The following HIVEP3 variants were observed in gnomAD, a reference collection of about 807,000 sequenced individuals.
The protein encoded by HIVEP3 is transcription factor HIVEP3.
Under a neutral mutation model 152.8 loss-of-function variants are expected in HIVEP3, and 49 were observed. That is an observed-to-expected ratio of 0.32 (90% CI 0.26 to 0.41). The LOEUF (loss-of-function observed/expected upper bound fraction) is 0.41, where lower values mean the gene tolerates loss of function less well. HIVEP3 is among the 10% of genes least tolerant of loss of function. The pLI is 1.00. For missense variants in HIVEP3, 2,790 were observed against 3,103.3 expected (o/e 0.90, Z 2.40); for synonymous variants, 1,269 against 1,289.0 (o/e 0.98, Z 0.33).
intron 1 of HIVEP3, among the ~76,000 whole-genome samples, chr1:41,966,513 A>G (rs934734856): frequency 1.7e-4 from 17 of 102,168 alleles, no homozygotes; most frequent in Non-Finnish European, 2.6e-4. Flanking sequence ...TCGCTCTTTC[A>G]CCCAGGCCAG....
At chr1:41,666,396 C>T (rs941111027) in intron 2 of HIVEP3, among the ~76,000 whole-genome samples, 6 of 152,212 alleles carry the variant, frequency 3.9e-5, no homozygotes, top group Non-Finnish European at 8.8e-5. Flanking sequence ...TGGGTTCAGG[C>T]TCCAGCCCCA....
At chr1:41,893,818 CATTATATAACAT>C (rs1293288918) in intron 1 of HIVEP3, among the ~76,000 whole-genome samples, 1 of 144,988 alleles carries the variant, frequency 6.9e-6, no homozygotes, top group Non-Finnish European at 1.5e-5. Context: ...ATATATAATA[CATTATATAACAT>C]ATAATATATA....
intron 1 of HIVEP3, among the ~76,000 whole-genome samples, chr1:41,878,843 T>G (rs375536792): frequency 5.2e-5 from 7 of 135,868 alleles, no homozygotes; most frequent in African/African-American, 1.6e-4. Context: ...CCTCCCCATC[T>G]CCTGCCCTCT....
chr1:41,712,358 A>G, intron 1 of HIVEP3, among the ~76,000 whole-genome samples: 1 of 152,212 alleles, frequency 6.6e-6, no homozygotes. Flanking sequence ...CAGGTGCTGG[A>G]GACACAGCCC....
intron 1 of HIVEP3, among the ~76,000 whole-genome samples, chr1:42,031,826 A>G (rs973389643): frequency 2.6e-5 from 4 of 152,238 alleles, no homozygotes; most frequent in South Asian, 2.1e-4. Flanking sequence ...AGAAGTATAT[A>G]AAGTAACAAG....
At chr1:41,933,336 G>C (rs1645004431) in intron 1 of HIVEP3, among the ~76,000 whole-genome samples, 1 of 151,962 alleles carries the variant, frequency 6.6e-6, no homozygotes, top group Non-Finnish European at 1.5e-5. Flanking sequence ...CATGTATTTT[G>C]AAACTCTGTT....
At chr1:41,663,092 T>G (rs1317257473) in intron 2 of HIVEP3, among the ~76,000 whole-genome samples, 1 of 152,220 alleles carries the variant, frequency 6.6e-6, no homozygotes, top group Non-Finnish European at 1.5e-5. Flanking sequence ...TGGTCCTTGC[T>G]CTGGCCAGGA....
intron 1 of HIVEP3, among the ~76,000 whole-genome samples, chr1:41,767,022 C>T (rs1240966532): frequency 6.6e-6 from 1 of 152,158 alleles, no homozygotes; most frequent in East Asian, 1.9e-4. Flanking sequence ...GCTGAGATCC[C>T]AGCCACAGTT....
intron 2 of HIVEP3, among the ~76,000 whole-genome samples, chr1:41,656,716 C>A (rs1645634384): frequency 1.3e-5 from 2 of 152,168 alleles, no homozygotes; most frequent in Non-Finnish European, 2.9e-5. Flanking sequence ...TCACAGTGCC[C>A]TGAAATGAAG....
chr1:41,910,428 A>G (rs1644777500), intron 1 of HIVEP3, among the ~76,000 whole-genome samples: 1 of 152,012 alleles, frequency 6.6e-6, no homozygotes, highest in East Asian at 1.9e-4. Context: ...AAAAATCTTC[A>G]GGAAAGAAAG....
intron 1 of HIVEP3, among the ~76,000 whole-genome samples, chr1:41,795,025 G>C (rs142133797): frequency 1.3e-5 from 2 of 152,278 alleles, no homozygotes; most frequent in Non-Finnish European, 2.9e-5. Context: ...ATGGACCTAA[G>C]ACTATATAGT....
intron 1 of HIVEP3, among the ~76,000 whole-genome samples, chr1:41,949,572 G>A (rs1325073881): frequency 1.3e-5 from 2 of 151,846 alleles, no homozygotes; most frequent in African/African-American, 4.8e-5. Context: ...AAAGAAATTC[G>A]AGATTGCATA....
At chr1:41,570,833 T>C (rs1239516795) in intron 5 of HIVEP3, among the ~76,000 whole-genome samples, 1 of 152,178 alleles carries the variant, frequency 6.6e-6, no homozygotes, top group Non-Finnish European at 1.5e-5. Flanking sequence ...CCACCTTGAA[T>C]AGGTCTGAGA....
At chr1:41,600,314 C>T (rs1344080123) in intron 3 of HIVEP3, among the ~76,000 whole-genome samples, 1 of 152,128 alleles carries the variant, frequency 6.6e-6, no homozygotes, top group Non-Finnish European at 1.5e-5. Context: ...TGGAAGCAAT[C>T]CAAATGTCCA....
chr1:41,695,933 G>T (rs915714857), intron 2 of HIVEP3, among the ~76,000 whole-genome samples: 32 of 152,186 alleles, frequency 2.1e-4, no homozygotes, highest in Non-Finnish European at 1.5e-5. Flanking sequence ...CCTGGGCTTG[G>T]AGTGAGAGAC....
intron 1 of HIVEP3, among the ~76,000 whole-genome samples, chr1:41,927,791 G>A (rs964341046): frequency 3.3e-5 from 5 of 152,172 alleles, no homozygotes; most frequent in Admixed American, 6.5e-5. Context: ...GCAGGGCACA[G>A]TGGCTCACGC....
intron 1 of HIVEP3, among the ~76,000 whole-genome samples, chr1:41,988,472 A>T (rs904252515): frequency 1.3e-5 from 2 of 152,210 alleles, no homozygotes; most frequent in African/African-American, 4.8e-5. Flanking sequence ...AAAAATACTC[A>T]TCACTAATCA....
chr1:41,971,287 AG>A (rs1171362619), intron 1 of HIVEP3, among the ~76,000 whole-genome samples: 2 of 152,172 alleles, frequency 1.3e-5, no homozygotes, highest in Non-Finnish European at 2.9e-5. Flanking sequence ...AGGATTGGGG[AG>A]GGGGTCAGAA....
intron 1 of HIVEP3, among the ~76,000 whole-genome samples, chr1:42,023,331 T>TAA (rs1358384231): frequency 9.2e-5 from 14 of 152,272 alleles, no homozygotes; most frequent in Middle Eastern, 3.4e-3. Context: ...AAGTTAATGT[T>TAA]TTTGGAATTT....
Sources: gnomAD v4.1 joint callset for allele counts (sites outside exome capture counted in the v4.1 genomes callset) on GRCh38, gnomAD v4.1.1 for gene constraint, MANE v1.5 for transcripts, NCBI Gene and HGNC (gene_info 2026-07-23, HGNC 2026-07-21) for gene names.